MAGI1: variants seen among roughly 807,000 people sequenced by gnomAD.
MAGI1 encodes the protein membrane-associated guanylate kinase, WW and PDZ domain-containing protein 1.
MAGI1 carries 58 observed loss-of-function variants against 139.9 expected under a neutral mutation model. That is an observed-to-expected ratio of 0.41 (90% confidence interval 0.34 to 0.52). The LOEUF (loss-of-function observed/expected upper bound fraction) is 0.52. Ranked by LOEUF, MAGI1 falls within the 20% of genes least tolerant of loss-of-function variation. The pLI, the probability that MAGI1 is intolerant of heterozygous loss-of-function variation, is 0.12. For missense variants in MAGI1, 1,874 were observed against 1,901.6 expected, an observed-to-expected ratio of 0.99 and a Z score of 0.27; for synonymous variants, 812 against 737.9, an observed-to-expected ratio of 1.10 and a Z score of -1.63.
chr3:65,382,212 A>AT, intron 15 of MAGI1, 143 bp from the exon 16 acceptor site: 1 of 646,516 alleles, frequency 1.5e-6, no homozygotes, highest in South Asian at 2.1e-5. Context: ...ACTGTGTACA[A>AT]GACATTGTGC....
Position 65,381,798 on chromosome 3 carries a change from G to T in MAGI1, c.2701+79C>A, listed in dbSNP as rs1027140599. On this transcript the variant is annotated intron_variant, in intron 16 of 22. Coordinates refer to ENST00000402939, the MANE Select transcript of MAGI1 (RefSeq NM_001033057.2). Reference sequence around the variant, plus strand: ...AACATTTGCTAAAATAGACGCTCAAGGAGGCAGACACAGGAAGGAGGCCTT... The same window carrying T: ...AACATTTGCTAAAATAGACGCTCAATGAGGCAGACACAGGAAGGAGGCCTT... The T allele has an allele frequency of 1.2e-4, 151 of 1,306,830 alleles. 1 individual carries two copies. The highest frequency in any genetic ancestry group is 1.6e-4 in the Non-Finnish European group (150 of 955,098). The allele number at this position is 1,306,830 out of a possible 1,614,324, so 81.0% of individuals were successfully genotyped here.
At chr3:65,362,146 T>TA (rs1262249762) in intron 21 of MAGI1, among the ~76,000 whole-genome samples, 6 of 152,216 alleles carry the variant, frequency 3.9e-5, no homozygotes, top group African/African-American at 1.4e-4. Context: ...CTCCCAGTAC[T>TA]TTAACTTCCT....
intron 2 of MAGI1, among the ~76,000 whole-genome samples, chr3:65,530,728 C>T (rs534285121): frequency 0.01 from 1,115 of 107,318 alleles, 87 homozygotes; most frequent in African/African-American, 0.044. Context: ...TATATACACA[C>T]GTATATATAT....
At chr3:65,869,966 G>A (rs998766085) in intron 1 of MAGI1, among the ~76,000 whole-genome samples, 3 of 152,164 alleles carry the variant, frequency 2.0e-5, no homozygotes, top group South Asian at 2.1e-4. Flanking sequence ...CCTAGAAATC[G>A]AAATCTGCAT....
chr3:65,670,016 G>C (rs913464714), intron 1 of MAGI1, among the ~76,000 whole-genome samples: 2 of 152,046 alleles, frequency 1.3e-5, no homozygotes, highest in African/African-American at 4.8e-5. Flanking sequence ...GGATTTCTCT[G>C]AGCCATTGCC....
In MAGI1 at chr3:65,453,320, G is replaced by T; in HGVS notation, c.980C>A (p.Ser327Tyr). 1 of 1,598,808 alleles carries T rather than the reference G, an allele frequency of 6.3e-7. No individual in the cohort carries two copies. Among genetic ancestry groups the T allele is most frequent in the East Asian group, 2.3e-5 (1 of 43,860 alleles). The part of the protein sequence containing the change: ...YFIDHNTKTT[S>Y]WLDPRCLNKQ... ...GTTTAGGCACCGAGGGTCTAACCAA[G>T]ATGTTGTTTTCGTGTTATGGCTGCA... The change falls in exon 6 of 23, where the codon TCT becomes TAT. Residue 327 changes from serine to tyrosine, a missense_variant. By Grantham distance (144) the Ser-to-Tyr change is moderately radical (BLOSUM62 -2). Around this residue, in one of 5 missense-constraint regions of MAGI1, gnomAD observed 648 missense variants for 598.1 expected, o/e 1.08. Transcript: ENST00000402939.
At chr3:65,691,302 C>CAAA in intron 1 of MAGI1, among the ~76,000 whole-genome samples, 1 of 74,728 alleles carries the variant, frequency 1.3e-5, no homozygotes, top group East Asian at 3.0e-4. Flanking sequence ...GACTCCGTCT[C>CAAA]AAAAAAAAAA....
intron 21 of MAGI1, 105 bp from the exon 22 acceptor site, chr3:65,361,442 T>A (rs2106718880): frequency 1.8e-6 from 2 of 1,122,480 alleles, no homozygotes; most frequent in Non-Finnish European, 2.6e-6. Context: ...GAGGTGGCAG[T>A]GACAAAAACA....
At chr3:65,910,863 T>TTTTTTTTTTTG (rs2061638202) in intron 1 of MAGI1, among the ~76,000 whole-genome samples, 1 of 114,176 alleles carries the variant, frequency 8.8e-6, no homozygotes, top group East Asian at 2.9e-4. Flanking sequence ...GACTTTTTTT[T>TTTTTTTTTTTG]TTTTTTTTTT....
At chr3:65,622,223 T>G in intron 1 of MAGI1, 135 bp from the exon 2 acceptor site, 1 of 702,440 alleles carries the variant, frequency 1.4e-6, no homozygotes, top group East Asian at 2.5e-5. Flanking sequence ...GAGGATGTAC[T>G]TTAGGTTTTC....
rs368913910 is a variant in MAGI1, at chr3:65,374,379, G to A, written c.3196+1366C>T. Among the ~76,000 whole-genome samples, 448 of 142,748 alleles carry A rather than the reference G, an allele frequency of 3.1e-3. 3 individuals are homozygous for A. Among genetic ancestry groups the A allele is most frequent in the African/African-American group, 0.011 (411 of 38,544 alleles). 93.6% of individuals were successfully genotyped at this position (142,748 alleles called of 152,430 possible). ...GTTGCCCAGGCTGGAGTGCAGTGGCGCAATCTCGGCTCACTGCAACCTCCG... is the reference window on the plus strand; with the variant it reads ...GTTGCCCAGGCTGGAGTGCAGTGGCACAATCTCGGCTCACTGCAACCTCCG... On this transcript the variant is annotated intron_variant, in intron 18 of 22. Transcript: ENST00000402939.
chr3:65,614,630 C>T (rs887093255), intron 2 of MAGI1, among the ~76,000 whole-genome samples: 1 of 151,986 alleles, frequency 6.6e-6, no homozygotes, highest in African/African-American at 2.4e-5. Context: ...CCTCTCTGCT[C>T]CCCCTTTACC....
chr3:65,758,177 G>A (rs544109372), intron 1 of MAGI1, among the ~76,000 whole-genome samples: 46 of 152,172 alleles, frequency 3.0e-4, no homozygotes, highest in Non-Finnish European at 5.0e-4. Flanking sequence ...TCAGAGAGGT[G>A]CAGAAAAGAC....
intron 1 of MAGI1, among the ~76,000 whole-genome samples, chr3:65,648,330 C>T (rs2085396184): frequency 6.9e-6 from 1 of 145,130 alleles, no homozygotes. Context: ...CGTGCGCGTG[C>T]ACACAGACAG....
chr3:65,548,659 A>G (rs543770088), intron 2 of MAGI1, among the ~76,000 whole-genome samples: 87 of 151,706 alleles, frequency 5.7e-4, no homozygotes, highest in Admixed American at 2.6e-3. Context: ...AGCAGCTGGG[A>G]CGGCAGGCAT....
chr3:65,518,152 A>T (rs950130557), intron 2 of MAGI1, among the ~76,000 whole-genome samples: 1 of 152,132 alleles, frequency 6.6e-6, no homozygotes, highest in Non-Finnish European at 1.5e-5. Context: ...ACTAACCAGA[A>T]GACATTGTCT....
intron 1 of MAGI1, among the ~76,000 whole-genome samples, chr3:66,018,597 C>T (rs2067793957): frequency 6.6e-6 from 1 of 152,220 alleles, no homozygotes; most frequent in Non-Finnish European, 1.5e-5. Flanking sequence ...TATCTTGCCT[C>T]ACATGGATCA....
rs554751506 is a variant in MAGI1 at position 65,804,136 on chromosome 3, T to C, written c.314-182048A>G. Among the ~76,000 whole-genome samples, 9 of 152,300 alleles carry C rather than the reference T, an allele frequency of 5.9e-5. No homozygotes were observed. In the East Asian group the frequency reaches 1.3e-3, roughly 23 times the overall value. On this transcript the variant is annotated intron_variant, in intron 1 of 22. Coordinates refer to ENST00000402939, the MANE Select transcript of MAGI1 (RefSeq NM_001033057.2). ...GAAAAACAAACATTCATCTTACTGA[T>C]GTAGAAGAACAGAAAAGCATCACAC...
intron 1 of MAGI1, among the ~76,000 whole-genome samples, chr3:66,023,727 T>C (rs549716674): frequency 6.6e-6 from 1 of 152,300 alleles, no homozygotes; most frequent in South Asian, 2.1e-4. Flanking sequence ...CCTCCCTAAA[T>C]GGTATACATA....
Sources: allele counts gnomAD v4.1 joint callset (sites outside exome capture counted in the v4.1 genomes callset), GRCh38; gene constraint gnomAD v4.1.1; regional missense constraint gnomAD v4.1.1; transcripts MANE v1.5; gene names NCBI Gene and HGNC (gene_info 2026-07-23, HGNC 2026-07-21).